SPART: variants seen among roughly 807,000 people sequenced by gnomAD.
SPART encodes spartin.
Under a neutral mutation model 58.7 loss-of-function variants are expected in SPART, and 35 were observed. The observed-to-expected ratio is 0.60, with a 90% CI of 0.46 to 0.79. The LOEUF is 0.79. Ranked by LOEUF, SPART falls within the 30% of genes least tolerant of loss-of-function variation. The probability of loss-of-function intolerance (pLI) is 0.00; values close to 1 mark genes in which losing one functional copy is unlikely to be tolerated. For synonymous variants in SPART, 284 were observed against 280.7 expected, an observed-to-expected ratio of 1.01 and a Z score of -0.12; for missense variants, 730 against 786.1, an observed-to-expected ratio of 0.93 and a Z score of 0.85.
intron 1 of SPART, among the ~76,000 whole-genome samples, chr13:36,358,369 C>G (rs1179715163): frequency 6.6e-6 from 1 of 152,064 alleles, no homozygotes; most frequent in African/African-American, 2.4e-5. Flanking sequence ...CATCATCTCC[C>G]TGACACAGCT....
At chr13:36,325,883 A>C (rs562909784) in intron 5 of SPART, 3 of 152,516 alleles carry the variant, frequency 2.0e-5, no homozygotes, top group African/African-American at 7.2e-5. Flanking sequence ...ATCTGAGTCC[A>C]TTTGTGCTGC....
At chr13:36,323,539 G>C (rs12872771) in intron 5 of SPART, among the ~76,000 whole-genome samples, 2 of 152,156 alleles carry the variant, frequency 1.3e-5, no homozygotes, top group Admixed American at 6.5e-5. Context: ...ACAGTGGACA[G>C]GCACCAATTA....
intron 5 of SPART, among the ~76,000 whole-genome samples, chr13:36,319,775 A>G (rs1882168879): frequency 7.0e-6 from 1 of 143,394 alleles, no homozygotes; most frequent in South Asian, 2.3e-4. Flanking sequence ...GACACCCATC[A>G]AGCTCAGCAA....
intron 4 of SPART, among the ~76,000 whole-genome samples, chr13:36,328,999 C>T (rs9575921): frequency 9.9e-5 from 15 of 151,826 alleles, no homozygotes; most frequent in Non-Finnish European, 1.8e-4. Context: ...ACTCGTGGAG[C>T]GTGAGGCAGG....
At chr13:36,327,361 A>C (rs935224392) in intron 4 of SPART, among the ~76,000 whole-genome samples, 2 of 152,240 alleles carry the variant, frequency 1.3e-5, no homozygotes, top group African/African-American at 4.8e-5. Context: ...CAAAGTGGCC[A>C]GTAACACAAA....
At chr13:36,336,411 T>C (rs1399377890) in intron 1 of SPART, 1 of 152,594 alleles carries the variant, frequency 6.6e-6, no homozygotes, top group African/African-American at 2.4e-5. Flanking sequence ...GAAAAATACA[T>C]GAATAGGCAC....
intron 1 of SPART, among the ~76,000 whole-genome samples, chr13:36,366,254 A>T (rs1886048893): frequency 1.3e-5 from 2 of 152,220 alleles, no homozygotes; most frequent in South Asian, 4.1e-4. Flanking sequence ...GTTCTGGAAC[A>T]GACCTTATAT....
At chr13:36,367,466 A>T (rs1886105673) in intron 1 of SPART, among the ~76,000 whole-genome samples, 1 of 152,090 alleles carries the variant, frequency 6.6e-6, no homozygotes, top group South Asian at 2.1e-4. Context: ...CTGCATATAT[A>T]CCTGGCTGGT....
upstream of SPART, among the ~76,000 whole-genome samples, chr13:36,350,766 T>G (rs552735826): frequency 6.6e-6 from 1 of 152,332 alleles, no homozygotes; most frequent in Admixed American, 6.5e-5. Context: ...CTTTTGGGGC[T>G]TTTACCCCTG....
At chr13:36,339,764 C>T (rs906847578) in intron 1 of SPART, among the ~76,000 whole-genome samples, 6 of 151,714 alleles carry the variant, frequency 4.0e-5, no homozygotes, top group African/African-American at 1.5e-4. Flanking sequence ...ACATGAATTT[C>T]CTAATTTAAA....
intron 3 of SPART, among the ~76,000 whole-genome samples, chr13:36,330,429 TACACACACACAC>T (rs10547331): frequency 8.7e-5 from 13 of 150,228 alleles, no homozygotes; most frequent in African/African-American, 2.7e-4. Flanking sequence ...TATATTTTCA[TACACACACACAC>T]ACACACACAC....
chr13:36,316,554 C>T (rs1881726809), intron 5 of SPART, among the ~76,000 whole-genome samples: 1 of 152,120 alleles, frequency 6.6e-6, no homozygotes, highest in South Asian at 2.1e-4. Flanking sequence ...AAAGCACCCC[C>T]ACTGAGCACC....
intron 1 of SPART, among the ~76,000 whole-genome samples, chr13:36,361,600 C>T (rs1247290463): frequency 1.3e-5 from 2 of 152,074 alleles, no homozygotes; most frequent in African/African-American, 4.8e-5. Context: ...GACTGGGTTT[C>T]GCCATGTTAG....
chr13:36,323,384 T>C (rs918044407), intron 5 of SPART, among the ~76,000 whole-genome samples: 12 of 152,258 alleles, frequency 7.9e-5, no homozygotes, highest in Admixed American at 6.5e-4. Context: ...CGATTGATAC[T>C]GCATAGCCGC....
At chr13:36,333,073 A>C (rs557321206) in intron 2 of SPART, among the ~76,000 whole-genome samples, 63 of 151,102 alleles carry the variant, frequency 4.2e-4, no homozygotes, top group Non-Finnish European at 7.5e-4. Context: ...TATCCTGGTC[A>C]CCTTAATTGA....
At chr13:36,339,089 G>A (rs1370741317) in intron 1 of SPART, among the ~76,000 whole-genome samples, 10 of 149,260 alleles carry the variant, frequency 6.7e-5, no homozygotes, top group South Asian at 4.2e-4. Flanking sequence ...TGCAGGAAAC[G>A]TAAAAAAAAA....
upstream of SPART, among the ~76,000 whole-genome samples, chr13:36,347,419 A>T (rs1168362956): frequency 6.6e-6 from 1 of 152,068 alleles, no homozygotes; most frequent in East Asian, 1.9e-4. Context: ...GGGTTTCACC[A>T]TATTGGCCAA....
intron 1 of SPART, among the ~76,000 whole-genome samples, chr13:36,358,470 C>T (rs774249897): frequency 1.1e-4 from 17 of 152,192 alleles, no homozygotes; most frequent in African/African-American, 4.1e-4. Flanking sequence ...CAGTTTGGCT[C>T]GAACAATTGG....
chr13:36,323,717 C>T (rs1364681357), intron 5 of SPART, among the ~76,000 whole-genome samples: 5 of 152,090 alleles, frequency 3.3e-5, no homozygotes, highest in African/African-American at 4.8e-5. Context: ...AAACATTTGA[C>T]GAACTACTCG....
Sources: allele counts gnomAD v4.1 joint callset (sites outside exome capture counted in the v4.1 genomes callset), GRCh38; gene constraint gnomAD v4.1.1; transcripts MANE v1.5; gene names NCBI Gene and HGNC (gene_info 2026-07-23, HGNC 2026-07-21).